TP73: variants seen among roughly 807,000 people sequenced by gnomAD.
TP73 encodes the protein p53-like transcription factor.
Under a neutral mutation model 62.5 loss-of-function variants are expected in TP73, and 25 were observed. That is an observed-to-expected ratio of 0.40 (90% CI 0.29 to 0.56). The LOEUF (loss-of-function observed/expected upper bound fraction) is 0.56, where lower values mean the gene tolerates loss of function less well. TP73 is among the 20% of genes least tolerant of loss of function. The pLI, the probability that TP73 is intolerant of heterozygous loss-of-function variation, is 0.46. For missense variants in TP73, 754 were observed against 913.3 expected (o/e 0.83, Z 2.25); for synonymous variants, 423 against 377.5 (o/e 1.12, Z -1.40).
chr1:3,666,294 AC>A lies in TP73; in HGVS notation c.-34+13655del, dbSNP rs1440828671. The stretch of plus-strand genomic sequence containing the variant: ...GTAGCTGTGACCATAGACACACACC[AC>A]CACATCCAGTTAATTTAGTTTTGTT... On this transcript the variant is annotated intron_variant, in intron 1 of 13. Transcript: ENST00000378295. The surrounding 1 kb of genome is among the most constrained non-coding windows in gnomAD (Gnocchi z 6.4). 6.6e-6 allele frequency among the ~76,000 whole-genome samples: 1 copy of A among 152,120 alleles called. No homozygotes were observed. Among genetic ancestry groups the A allele is most frequent in the African/African-American group, 2.4e-5 (1 of 41,410 alleles).
chr1:3,731,985 GCT>G (rs1417660230), intron 13 of TP73, among the ~76,000 whole-genome samples: 1 of 152,250 alleles, frequency 6.6e-6, no homozygotes, highest in Non-Finnish European at 1.5e-5. Flanking sequence ...AGGCCACACA[GCT>G]CTTGGCACCC....
intron 3 of TP73, among the ~76,000 whole-genome samples, chr1:3,697,561 A>G (rs1398705147): frequency 6.6e-6 from 1 of 152,144 alleles, no homozygotes; most frequent in Non-Finnish European, 1.5e-5. Flanking sequence ...TTTGATCCCA[A>G]GCCCCTGCAC....
chr1:3,658,582 G>C (rs77569282), intron 1 of TP73, among the ~76,000 whole-genome samples: 7 of 152,170 alleles, frequency 4.6e-5, no homozygotes, highest in Admixed American at 3.3e-4. Flanking sequence ...GCGTCTTGGC[G>C]CGCGGCTCTC....
chr1:3,697,166 G>A (rs1168751895), intron 3 of TP73, among the ~76,000 whole-genome samples: 3 of 107,544 alleles, frequency 2.8e-5, no homozygotes, highest in African/African-American at 9.4e-5. Flanking sequence ...CCTCGCACCC[G>A]CGGCCCACGT....
intron 1 of TP73, among the ~76,000 whole-genome samples, chr1:3,659,954 A>G (rs1644955335): frequency 6.6e-6 from 1 of 152,224 alleles, no homozygotes; most frequent in Non-Finnish European, 1.5e-5. Context: ...TGCTAGGATT[A>G]CAGACGTGAG....
At chr1:3,712,740 C>T (rs547734248) in intron 4 of TP73, among the ~76,000 whole-genome samples, 1 of 152,202 alleles carries the variant, frequency 6.6e-6, no homozygotes, top group East Asian at 1.9e-4. Context: ...CCCCTATGTG[C>T]AGGGCCTCCC....
At chr1:3,686,039 G>T (rs1645647339) in intron 3 of TP73, among the ~76,000 whole-genome samples, 1 of 152,224 alleles carries the variant, frequency 6.6e-6, no homozygotes. Context: ...GGGCCTGCTT[G>T]TGGAAGTGGC....
At chr1:3,673,145 A>G (rs1041812558) in intron 1 of TP73, among the ~76,000 whole-genome samples, 8 of 152,248 alleles carry the variant, frequency 5.3e-5, no homozygotes, top group Non-Finnish European at 1.0e-4. Flanking sequence ...AGGACGCCTC[A>G]TTCCCTGAGA....
chr1:3,690,061 C>G (rs758174214), intron 3 of TP73, among the ~76,000 whole-genome samples: 1 of 152,218 alleles, frequency 6.6e-6, no homozygotes, highest in Non-Finnish European at 1.5e-5. Context: ...GCCCCACTGC[C>G]GGGCTGTTCT....
intron 3 of TP73, among the ~76,000 whole-genome samples, chr1:3,686,061 C>A (rs1645648333): frequency 6.6e-6 from 1 of 152,234 alleles, no homozygotes; most frequent in Admixed American, 6.5e-5. Context: ...GCACACGCAC[C>A]TGCCCCCACC....
At chr1:3,690,832 CG>C (rs2124229678) in intron 3 of TP73, 1 of 1,545,522 alleles carries the variant, frequency 6.5e-7, no homozygotes. Context: ...CCCTTCCCCT[CG>C]GGCCGCCCAG....
intron 4 of TP73, among the ~76,000 whole-genome samples, chr1:3,719,712 G>A (rs1640900183): frequency 6.6e-6 from 1 of 152,110 alleles, no homozygotes; most frequent in Admixed American, 6.5e-5. Context: ...CATTTGTAAT[G>A]GTGGGGACAC....
intron 3 of TP73, among the ~76,000 whole-genome samples, chr1:3,683,641 C>T (rs948375308): frequency 1.3e-5 from 2 of 152,230 alleles, no homozygotes; most frequent in African/African-American, 4.8e-5. Flanking sequence ...GGCCGCATCT[C>T]CTCTCATGGT....
chr1:3,731,013 G>C lies in TP73; in HGVS notation c.1432G>C (p.Gly478Arg). Reference sequence around the variant, plus strand: ...CCACAGCGCCCAGTCCATGGTCTCGGGGTCCCACTGCACTCCGCCACCCCC... The same window carrying C: ...CCACAGCGCCCAGTCCATGGTCTCGCGGTCCCACTGCACTCCGCCACCCCC... ...SSHSAQSMVS[G>R]SHCTPPPPYH... is the part of the protein sequence containing the mutation. The change falls in exon 12 of 14, where the codon GGG (glycine) becomes CGG (arginine). Residue 478 changes from glycine (G) to arginine (R), a missense_variant. Gly to Arg is a moderately radical substitution (Grantham distance 125). Around this residue, in one of 3 missense-constraint regions of TP73, gnomAD observed 458 missense variants for 528.7 expected, o/e 0.87. Transcript: ENST00000378295. 3.1e-6 allele frequency: 5 copies of C among 1,612,512 alleles called. No homozygotes were observed. The South Asian group carries it at 5.5e-5, about 18-fold the overall frequency.
At chr1:3,722,580 G>C (rs1453160590) in intron 5 of TP73, among the ~76,000 whole-genome samples, 1 of 152,248 alleles carries the variant, frequency 6.6e-6, no homozygotes, top group East Asian at 1.9e-4. Context: ...AGAGCACAAG[G>C]GCTGCCAGCT....
Position 3,663,921 on chromosome 1 carries a change from A to C in TP73, c.-34+11280A>C, listed in dbSNP as rs1358989321. 6.6e-6 allele frequency among the ~76,000 whole-genome samples: 1 copy of C among 152,110 alleles called. No individual in the cohort carries two copies. The highest frequency in any genetic ancestry group is 1.9e-4 in the East Asian group (1 of 5,168). ...CTGGCTTCTCAGATGCCACCGTGCCAGGTTTTGGGGTAGTGGTATGTCTTG... is the reference window on the plus strand; with the variant it reads ...CTGGCTTCTCAGATGCCACCGTGCCCGGTTTTGGGGTAGTGGTATGTCTTG... On this transcript the variant is annotated intron_variant, in intron 1 of 13. Transcript: ENST00000378295. This position sits in a 1 kb window ranked among gnomAD's most constrained non-coding sequence, Gnocchi z 4.7.
intron 5 of TP73, among the ~76,000 whole-genome samples, chr1:3,723,033 C>T (rs928022134): frequency 4.7e-5 from 7 of 149,018 alleles, no homozygotes; most frequent in Admixed American, 6.7e-5. Context: ...GGGTGGGCAC[C>T]TCTCTGCACC....
At chr1:3,697,235 G>A (rs1638747091) in intron 3 of TP73, among the ~76,000 whole-genome samples, 1 of 152,210 alleles carries the variant, frequency 6.6e-6, no homozygotes, top group South Asian at 2.1e-4. Flanking sequence ...TGCTGCCTTT[G>A]CTGACGCCCG....
intron 1 of TP73, among the ~76,000 whole-genome samples, chr1:3,664,152 C>A (rs1279806481): frequency 6.6e-6 from 1 of 152,224 alleles, no homozygotes; most frequent in African/African-American, 2.4e-5. Context: ...AGTCTGGGCA[C>A]GGGCCCCTGG....
Sources: gnomAD v4.1 joint callset for allele counts (sites outside exome capture counted in the v4.1 genomes callset) on GRCh38, gnomAD v4.1.1 for gene constraint, gnomAD v4.1.1 regional missense constraint, Gnocchi (gnomAD v3.1) non-coding constraint, MANE v1.5 for transcripts, NCBI Gene and HGNC (gene_info 2026-07-23, HGNC 2026-07-21) for gene names.